CDYL2: variants seen among roughly 807,000 people sequenced by gnomAD.
CDYL2 encodes the protein chromodomain Y like 2, also known as chromodomain Y-like protein 2.
CDYL2 carries 23 observed loss-of-function variants against 49.4 expected under a neutral mutation model. The ratio of observed to expected loss-of-function variants is 0.47; its 90% CI spans 0.34 to 0.66. The LOEUF (loss-of-function observed/expected upper bound fraction) is 0.66, where lower values mean the gene tolerates loss of function less well. Among genes scored for constraint, CDYL2 ranks in the 30% least tolerant of loss-of-function variants. The probability of loss-of-function intolerance (pLI) is 0.01; values close to 1 mark genes in which losing one functional copy is unlikely to be tolerated. For synonymous variants in CDYL2, 360 were observed against 268.8 expected (o/e 1.34, Z -3.32); for missense variants, 678 against 656.4 (o/e 1.03, Z -0.36).
intron 2 of CDYL2, among the ~76,000 whole-genome samples, chr16:80,661,780 C>T (rs937990718): frequency 6.6e-6 from 1 of 152,170 alleles, no homozygotes; most frequent in African/African-American, 2.4e-5. Context: ...AAGCAGAGCT[C>T]ATTTCACTAT....
intron 2 of CDYL2, among the ~76,000 whole-genome samples, chr16:80,655,819 C>T (rs1025889178): frequency 6.6e-6 from 1 of 152,132 alleles, no homozygotes; most frequent in African/African-American, 2.4e-5. Context: ...ATGGTGCCTC[C>T]AGAGCCCCTC....
At chr16:80,623,108 A>C (rs1471318007) in intron 3 of CDYL2, among the ~76,000 whole-genome samples, 1 of 152,168 alleles carries the variant, frequency 6.6e-6, no homozygotes, top group African/African-American at 2.4e-5. Flanking sequence ...GCACTTTCAA[A>C]CTTCGCTGCT....
upstream of CDYL2, among the ~76,000 whole-genome samples, chr16:80,804,755 C>T (rs1908049850): frequency 6.7e-6 from 1 of 150,116 alleles, no homozygotes; most frequent in African/African-American, 2.4e-5. Context: ...CTGGCGGGGC[C>T]CCCGGGGGGC....
At chr16:80,687,361 G>C (rs748536473) in intron 1 of CDYL2, among the ~76,000 whole-genome samples, 1 of 152,142 alleles carries the variant, frequency 6.6e-6, no homozygotes, top group Non-Finnish European at 1.5e-5. Context: ...CAACACAATG[G>C]ATGAGTGCGT....
chr16:80,668,612 T>G (rs936585963), intron 2 of CDYL2, among the ~76,000 whole-genome samples: 1 of 152,018 alleles, frequency 6.6e-6, no homozygotes, highest in Non-Finnish European at 1.5e-5. Context: ...AGGGAGAATA[T>G]GGAGACTTTA....
At chr16:80,640,138 T>A (rs978663321) in intron 2 of CDYL2, among the ~76,000 whole-genome samples, 28 of 152,138 alleles carry the variant, frequency 1.8e-4, no homozygotes, top group African/African-American at 6.7e-4. Flanking sequence ...CCAGCTGGGG[T>A]GGCTAAGGGA....
At chr16:80,620,252 C>A (rs1301901515) in intron 4 of CDYL2, among the ~76,000 whole-genome samples, 7 of 152,180 alleles carry the variant, frequency 4.6e-5, no homozygotes. Context: ...TGCCCAGGGG[C>A]AATTAGAAAG....
intron 2 of CDYL2, among the ~76,000 whole-genome samples, chr16:80,672,352 C>CACACACACACACACAGAG (rs68130206): frequency 2.0e-4 from 23 of 117,770 alleles, no homozygotes; most frequent in Non-Finnish European, 2.6e-4. Context: ...CACACACACA[C>CACACACACACACACAGAG]AGAGAGAGAG....
intron 1 of CDYL2, among the ~76,000 whole-genome samples, chr16:80,710,575 C>T (rs1256788312): frequency 6.6e-6 from 1 of 152,114 alleles, no homozygotes; most frequent in Non-Finnish European, 1.5e-5. Flanking sequence ...TAAATAACTA[C>T]AGTATATTGT....
At chr16:80,738,602 A>C (rs902669474) in intron 1 of CDYL2, 4 of 152,290 alleles carry the variant, frequency 2.6e-5, no homozygotes, top group African/African-American at 9.6e-5. Context: ...TGCCAGGGCT[A>C]AGGTGGGGAC....
At chr16:80,715,086 C>A (rs1481085552) in intron 1 of CDYL2, among the ~76,000 whole-genome samples, 1 of 152,068 alleles carries the variant, frequency 6.6e-6, no homozygotes, top group Non-Finnish European at 1.5e-5. Flanking sequence ...TCTGGAGGAG[C>A]AACTGGAGAT....
chr16:80,654,572 C>T (rs1482006181), intron 2 of CDYL2, among the ~76,000 whole-genome samples: 5 of 152,180 alleles, frequency 3.3e-5, no homozygotes. Flanking sequence ...TGCCCCTCTG[C>T]ATACAGGGCC....
intron 1 of CDYL2, among the ~76,000 whole-genome samples, chr16:80,783,336 G>C (rs540770170): frequency 4.1e-4 from 62 of 152,116 alleles, no homozygotes; most frequent in Non-Finnish European, 6.9e-4. Flanking sequence ...ACAACTACTA[G>C]GATGGCTATA....
chr16:80,603,486 G>A lies in CDYL2; in HGVS notation c.*902C>T, dbSNP rs996919475. On this transcript the variant is annotated 3_prime_UTR_variant, in exon 7 of 7. Coordinates refer to ENST00000570137, the MANE Select transcript of CDYL2 (RefSeq NM_152342.4). ...GCTGAGAACCGTTTTACACAGAGGT[G>A]CAGCGCTATTCCTTTTGTCCACAGA... 3.3e-5 allele frequency: 5 copies of A among 152,194 alleles called. No homozygotes were observed. The highest frequency in any genetic ancestry group is 5.9e-5 in the Non-Finnish European group (4 of 68,036). 9.4% of individuals were successfully genotyped at this position (152,194 alleles called of 1,614,324 possible). A position where few individuals can be genotyped will look rare whatever the true frequency, so the allele number is the denominator to read the frequency against.
chr16:80,624,962 A>C (rs1053396698), intron 3 of CDYL2, among the ~76,000 whole-genome samples: 1 of 152,184 alleles, frequency 6.6e-6, no homozygotes, highest in African/African-American at 2.4e-5. Context: ...AAGATTTAAA[A>C]TTGGTGCTGT....
chr16:80,711,265 C>A (rs1197477524), intron 1 of CDYL2, among the ~76,000 whole-genome samples: 1 of 152,180 alleles, frequency 6.6e-6, no homozygotes. Flanking sequence ...TTCACGTTAA[C>A]AAAATCAACC....
At chr16:80,675,956 G>A (rs989956381) in intron 2 of CDYL2, among the ~76,000 whole-genome samples, 2 of 152,192 alleles carry the variant, frequency 1.3e-5, no homozygotes, top group Non-Finnish European at 1.5e-5. Context: ...AAAGCAATTA[G>A]TTGGTTTCTA....
chr16:80,726,165 T>A (rs561782976), intron 1 of CDYL2, among the ~76,000 whole-genome samples: 3 of 152,214 alleles, frequency 2.0e-5, no homozygotes, highest in Non-Finnish European at 4.4e-5. Flanking sequence ...TCATAGGAGT[T>A]CCGTATAAGA....
chr16:80,684,315 GAGCATCAGAGGCTT>G (rs1487640274), intron 2 of CDYL2, among the ~76,000 whole-genome samples: 1 of 152,144 alleles, frequency 6.6e-6, no homozygotes, highest in African/African-American at 2.4e-5. Flanking sequence ...ACCTTGGCTG[GAGCATCAGAGGCTT>G]AGCCTCCCCA....
Sources: gnomAD v4.1 joint callset for allele counts (sites outside exome capture counted in the v4.1 genomes callset) on GRCh38, gnomAD v4.1.1 for gene constraint, MANE v1.5 for transcripts, NCBI Gene and HGNC (gene_info 2026-07-23, HGNC 2026-07-21) for gene names.